Variants in PRELID2 observed in about 807,000 individuals in gnomAD.
PRELID2 encodes the protein PRELI domain-containing protein 2.
In PRELID2, 25 loss-of-function variants were observed where a neutral mutation model predicts 28.4. The observed-to-expected ratio is 0.88, with a 90% CI of 0.64 to 1.23. The LOEUF (loss-of-function observed/expected upper bound fraction) is 1.23. Among genes scored for constraint, PRELID2 ranks in the 50% most tolerant of loss-of-function variants. PRELID2 has a pLI of 0.00. For missense variants in PRELID2, 201 were observed against 214.4 expected, an observed-to-expected ratio of 0.94 and a Z score of 0.39; for synonymous variants, 76 against 71.6, an observed-to-expected ratio of 1.06 and a Z score of -0.31.
intron 1 of PRELID2, among the ~76,000 whole-genome samples, chr5:145,506,767 G>A (rs12652125): frequency 0.21 from 31,682 of 151,982 alleles, 3,398 homozygotes; most frequent in South Asian, 0.36. Flanking sequence ...AATTCCATCT[G>A]CCAGGCCCCT....
intron 1 of PRELID2, among the ~76,000 whole-genome samples, chr5:145,720,016 A>G (rs1755944982): frequency 6.6e-6 from 1 of 151,948 alleles, no homozygotes; most frequent in Admixed American, 6.6e-5. Context: ...ATGCAAATGA[A>G]CATGTGATAA....
chr5:145,765,690 A>T (rs550663785), intron 5 of PRELID2, among the ~76,000 whole-genome samples: 1 of 152,152 alleles, frequency 6.6e-6, no homozygotes, highest in Non-Finnish European at 1.5e-5. Context: ...GCAGTTCAAA[A>T]ATCCCTTCCC....
the PRELID2 span, among the ~76,000 whole-genome samples, chr5:145,286,708 TTTTG>T: frequency 4.1e-5 from 4 of 97,104 alleles, no homozygotes; most frequent in African/African-American, 1.5e-4. Context: ...TTTTGTTTTT[TTTTG>T]TTTGTTTGTT....
At position 145,558,387 on chromosome 5, in the gene PRELID2, T is replaced by A. The variant is rs76711109; in HGVS notation, n.71-85072A>T. On this transcript the variant is annotated intron_variant and non_coding_transcript_variant, in intron 1 of 2. Transcript: ENST00000510259. ...TTACCAGTGATTTGACAGATACACATATGTGCATGGATAACCTTCTTATTA... is the reference window on the plus strand; with the variant it reads ...TTACCAGTGATTTGACAGATACACAAATGTGCATGGATAACCTTCTTATTA... 3.4e-3 allele frequency among the ~76,000 whole-genome samples: 515 copies of A among 152,356 alleles called. 1 individual carries two copies. Among genetic ancestry groups the A allele is most frequent in the Non-Finnish European group, 5.5e-3 (375 of 68,036 alleles).
the PRELID2 span, among the ~76,000 whole-genome samples, chr5:145,368,528 T>C: frequency 6.6e-6 from 1 of 151,892 alleles, no homozygotes; most frequent in African/African-American, 2.4e-5. Flanking sequence ...TCCTGAACTT[T>C]CTCCTCTCCC....
chr5:145,467,252 T>C (rs1027448580), downstream of PRELID2, among the ~76,000 whole-genome samples: 2 of 152,114 alleles, frequency 1.3e-5, no homozygotes, highest in African/African-American at 4.8e-5. Context: ...AACACAACTC[T>C]AGCCCACCAG....
chr5:145,299,522 T>C, the PRELID2 span, among the ~76,000 whole-genome samples: 1 of 152,128 alleles, frequency 6.6e-6, no homozygotes, highest in Admixed American at 6.6e-5. Flanking sequence ...TATTATTGTA[T>C]TGTTTAACAT....
intron 1 of PRELID2, among the ~76,000 whole-genome samples, chr5:145,589,459 G>T (rs1309807089): frequency 1.3e-5 from 2 of 151,498 alleles, no homozygotes; most frequent in African/African-American, 4.9e-5. Context: ...CGGTAGAATT[G>T]AATATCATCA....
the PRELID2 span, among the ~76,000 whole-genome samples, chr5:145,386,605 C>G: frequency 6.6e-6 from 1 of 152,052 alleles, no homozygotes; most frequent in African/African-American, 2.4e-5. Flanking sequence ...ATAAATTAAC[C>G]AGTCTCAGGT....
At chr5:145,432,918 A>G in the PRELID2 span, among the ~76,000 whole-genome samples, 1 of 152,166 alleles carries the variant, frequency 6.6e-6, no homozygotes, top group South Asian at 2.1e-4. Flanking sequence ...TATAATCCCC[A>G]TCTAAACAGG....
chr5:145,692,265 C>T (rs993129182), intron 1 of PRELID2, among the ~76,000 whole-genome samples: 4 of 152,028 alleles, frequency 2.6e-5, no homozygotes, highest in African/African-American at 9.7e-5. Flanking sequence ...TTAAACTGAT[C>T]GTACTTGAAT....
intron 5 of PRELID2, among the ~76,000 whole-genome samples, chr5:145,788,375 C>T (rs1752139033): frequency 1.3e-5 from 2 of 152,152 alleles, no homozygotes; most frequent in Non-Finnish European, 1.5e-5. Context: ...CTTCTATTGG[C>T]CACCACGGGT....
At chr5:145,476,466 G>A (rs1229317700) in intron 1 of PRELID2, among the ~76,000 whole-genome samples, 2 of 152,104 alleles carry the variant, frequency 1.3e-5, no homozygotes, top group African/African-American at 4.8e-5. Context: ...CCAACAGGGT[G>A]AAACTCTATC....
chr5:145,486,435 C>T (rs1049140466), intron 1 of PRELID2, among the ~76,000 whole-genome samples: 1 of 152,082 alleles, frequency 6.6e-6, no homozygotes, highest in Non-Finnish European at 1.5e-5. Flanking sequence ...CTCAGAAACA[C>T]TTTTTCAATG....
At chr5:145,589,567 T>G (rs538597403) in intron 1 of PRELID2, among the ~76,000 whole-genome samples, 3 of 152,314 alleles carry the variant, frequency 2.0e-5, no homozygotes, top group African/African-American at 7.2e-5. Flanking sequence ...TTTTTTTTCA[T>G]AAGTTCAGAA....
At chr5:145,316,030 T>A in the PRELID2 span, among the ~76,000 whole-genome samples, 11 of 152,204 alleles carry the variant, frequency 7.2e-5, no homozygotes, top group African/African-American at 2.7e-4. Context: ...AAATACTATA[T>A]AATGGTGGAC....
the PRELID2 span, among the ~76,000 whole-genome samples, chr5:145,409,050 T>C: frequency 6.6e-6 from 1 of 152,114 alleles, no homozygotes; most frequent in Admixed American, 6.6e-5. Flanking sequence ...CCAGAAAGGA[T>C]TGGGGTCCTA....
At chr5:145,749,116 T>C (rs577541090) in intron 1 of PRELID2, among the ~76,000 whole-genome samples, 2 of 152,082 alleles carry the variant, frequency 1.3e-5, no homozygotes, top group African/African-American at 2.4e-5. Context: ...AAAGCCAAAA[T>C]TGACAAATGG....
chr5:145,431,526 C>A, the PRELID2 span, among the ~76,000 whole-genome samples: 2 of 152,234 alleles, frequency 1.3e-5, no homozygotes, highest in African/African-American at 2.4e-5. Context: ...ATCATGTGAT[C>A]AAAGTGAACA....
Sources: allele counts gnomAD v4.1 joint callset (sites outside exome capture counted in the v4.1 genomes callset), GRCh38; gene constraint gnomAD v4.1.1; transcripts MANE v1.5; gene names NCBI Gene and HGNC (gene_info 2026-07-23, HGNC 2026-07-21).